SHISA9: variants seen among roughly 807,000 people sequenced by gnomAD.
SHISA9 encodes the protein shisa family member 9.
SHISA9 carries 13 observed loss-of-function variants against 38.0 expected under a neutral mutation model. The observed-to-expected ratio is 0.34, with a 90% CI of 0.22 to 0.54. SHISA9 has a LOEUF of 0.54. SHISA9 is among the 20% of genes least tolerant of loss of function. The probability of loss-of-function intolerance (pLI) is 0.91; values close to 1 mark genes in which losing one functional copy is unlikely to be tolerated. For missense variants in SHISA9, 538 were observed against 575.8 expected, an observed-to-expected ratio of 0.93 and a Z score of 0.67; for synonymous variants, 275 against 242.0, an observed-to-expected ratio of 1.14 and a Z score of -1.27.
chr16:13,129,761 A>G (rs1262382144), intron 2 of SHISA9, among the ~76,000 whole-genome samples: 1 of 152,126 alleles, frequency 6.6e-6, no homozygotes, highest in Non-Finnish European at 1.5e-5. Flanking sequence ...CAGCAGGGGA[A>G]GTCTGACCTC....
the SHISA9 span, among the ~76,000 whole-genome samples, chr16:13,409,893 A>C: frequency 8.5e-5 from 13 of 152,240 alleles, no homozygotes; most frequent in African/African-American, 3.1e-4. Flanking sequence ...AGGGGCCCCA[A>C]AACTTAAACT....
chr16:12,955,022 T>C (rs935102477), intron 2 of SHISA9, among the ~76,000 whole-genome samples: 28 of 152,112 alleles, frequency 1.8e-4, no homozygotes, highest in Admixed American at 1.8e-3. Context: ...CTCCTTTTAA[T>C]AGATGACAAA....
the SHISA9 span, among the ~76,000 whole-genome samples, chr16:13,353,495 G>C: frequency 1.3e-4 from 19 of 151,900 alleles, no homozygotes; most frequent in African/African-American, 3.6e-4. Flanking sequence ...GTGTAAACCT[G>C]CAGTGTAAAC....
intron 2 of SHISA9, among the ~76,000 whole-genome samples, chr16:13,167,896 C>G (rs2050651770): frequency 1.3e-5 from 2 of 152,184 alleles, no homozygotes; most frequent in African/African-American, 4.8e-5. Context: ...GTCCTTCTGT[C>G]TTAATTCTTG....
chr16:12,922,094 A>G (rs2141728950), intron 2 of SHISA9, among the ~76,000 whole-genome samples: 1 of 152,372 alleles, frequency 6.6e-6, no homozygotes, highest in African/African-American at 2.4e-5. Context: ...TATAACCACT[A>G]CATTCTATTG....
At chr16:13,070,763 A>G (rs1224735828) in intron 2 of SHISA9, among the ~76,000 whole-genome samples, 1 of 152,134 alleles carries the variant, frequency 6.6e-6, no homozygotes, top group Non-Finnish European at 1.5e-5. Flanking sequence ...ACAGATTGGG[A>G]GAGGGAGACT....
intron 2 of SHISA9, among the ~76,000 whole-genome samples, chr16:12,926,836 C>T (rs1292519526): frequency 6.6e-6 from 1 of 152,198 alleles, no homozygotes; most frequent in Non-Finnish European, 1.5e-5. Context: ...TTGCCCACCG[C>T]TGACTGAGGG....
chr16:13,203,420 C>CCCACCTCTCCTCTGCTCCAGCAGA lies in SHISA9; in HGVS notation c.719_742dup (p.Gln247_Met248insThrThrSerProLeuLeuGlnGln). 1 of 1,546,344 alleles carries CCCACCTCTCCTCTGCTCCAGCAGA rather than the reference C, an allele frequency of 6.5e-7. No homozygotes were observed. Among genetic ancestry groups the CCCACCTCTCCTCTGCTCCAGCAGA allele is most frequent in the Non-Finnish European group, 8.7e-7 (1 of 1,144,876 alleles). On this transcript the variant is annotated inframe_insertion, in exon 3 of 5. Coordinates refer to ENST00000558583, the MANE Select transcript of SHISA9 (RefSeq NM_001145204.3). Reference sequence around the variant, plus strand: ...TGCCACCCAGATGAACAACGCAGTGCCCACCTCTCCTCTGCTCCAGCAGAT... The same window carrying CCCACCTCTCCTCTGCTCCAGCAGA: ...TGCCACCCAGATGAACAACGCAGTGCCCACCTCTCCTCTGCTCCAGCAGACCACCTCTCCTCTGCTCCAGCAGAT...
At chr16:13,193,222 A>G (rs2142042945) in intron 2 of SHISA9, among the ~76,000 whole-genome samples, 1 of 152,276 alleles carries the variant, frequency 6.6e-6, no homozygotes, top group African/African-American at 2.4e-5. Context: ...TACTGTTATA[A>G]CATGCTGTGT....
At chr16:13,148,482 T>C (rs2050467724) in intron 2 of SHISA9, among the ~76,000 whole-genome samples, 1 of 151,874 alleles carries the variant, frequency 6.6e-6, no homozygotes, top group African/African-American at 2.4e-5. Flanking sequence ...TACCTCACAC[T>C]CACCTACCCA....
At chr16:13,023,482 A>G (rs1024188588) in intron 2 of SHISA9, among the ~76,000 whole-genome samples, 2 of 152,172 alleles carry the variant, frequency 1.3e-5, no homozygotes, top group Non-Finnish European at 2.9e-5. Flanking sequence ...ATAAACATAC[A>G]TGTGCATGTG....
the SHISA9 span, among the ~76,000 whole-genome samples, chr16:13,276,792 A>T: frequency 6.6e-6 from 1 of 151,910 alleles, no homozygotes; most frequent in East Asian, 1.9e-4. Flanking sequence ...GATTTGTTTG[A>T]GTTAGTTGTA....
chr16:13,069,572 GTA>G (rs775484696), intron 2 of SHISA9, among the ~76,000 whole-genome samples: 2 of 151,260 alleles, frequency 1.3e-5, no homozygotes, highest in African/African-American at 2.4e-5. Context: ...GCGTGCATGT[GTA>G]TGTGTGTGTA....
chr16:13,476,967 C>T, the SHISA9 span, among the ~76,000 whole-genome samples: 6 of 151,756 alleles, frequency 4.0e-5, no homozygotes, highest in African/African-American at 9.7e-5. Context: ...AGGATGGTCT[C>T]GATCTCCTGA....
chr16:13,469,373 G>GAAAGAA, the SHISA9 span, among the ~76,000 whole-genome samples: 2 of 83,558 alleles, frequency 2.4e-5, no homozygotes, highest in Non-Finnish European at 5.2e-5. Context: ...GAAAAAGAAA[G>GAAAGAA]AAAGAAAGAA....
At chr16:13,266,193 T>A in the SHISA9 span, among the ~76,000 whole-genome samples, 1 of 152,218 alleles carries the variant, frequency 6.6e-6, no homozygotes, top group Non-Finnish European at 1.5e-5. Context: ...TCTCTTCTTT[T>A]GGGCACATTC....
In SHISA9 at chr16:12,971,598, T is replaced by A. The variant is rs1386650080; in HGVS notation, c.691+54783T>A. ...TGCTGTTTTTTAAACACTTTATAAATCTCCCTACTCACCCCATGCTGTTGT... is the reference window on the plus strand; with the variant it reads ...TGCTGTTTTTTAAACACTTTATAAAACTCCCTACTCACCCCATGCTGTTGT... On this transcript the variant is annotated intron_variant, in intron 2 of 4. Coordinates refer to ENST00000558583, the MANE Select transcript of SHISA9 (RefSeq NM_001145204.3). 2.6e-5 allele frequency among the ~76,000 whole-genome samples: 4 copies of A among 152,086 alleles called. No individual in the cohort carries two copies. The East Asian group carries it at 7.7e-4, about 29-fold the overall frequency.
the SHISA9 span, among the ~76,000 whole-genome samples, chr16:13,371,074 C>T: frequency 6.6e-6 from 1 of 152,136 alleles, no homozygotes; most frequent in African/African-American, 2.4e-5. Flanking sequence ...GAATTAACAC[C>T]ATTTAACCTT....
At chr16:12,945,262 C>G (rs911360856) in intron 2 of SHISA9, among the ~76,000 whole-genome samples, 2 of 152,122 alleles carry the variant, frequency 1.3e-5, no homozygotes, top group Non-Finnish European at 2.9e-5. Flanking sequence ...TACAGGACAT[C>G]TGGTGGGCAG....
Sources: allele counts gnomAD v4.1 joint callset (sites outside exome capture counted in the v4.1 genomes callset), GRCh38; gene constraint gnomAD v4.1.1; transcripts MANE v1.5; gene names NCBI Gene and HGNC (gene_info 2026-07-23, HGNC 2026-07-21).